The following TTBK2 variants were observed in gnomAD, a reference collection of about 807,000 sequenced individuals.
TTBK2 encodes the protein tau tubulin kinase 2.
In TTBK2, 28 loss-of-function variants were observed where a neutral mutation model predicts 110.8. That is an observed-to-expected ratio of 0.25 (90% CI 0.19 to 0.35). The LOEUF (loss-of-function observed/expected upper bound fraction) is 0.35. Ranked by LOEUF, TTBK2 falls within the 10% of genes least tolerant of loss-of-function variation. The pLI is 1.00. For synonymous variants in TTBK2, 532 were observed against 527.3 expected (o/e 1.01, Z -0.12); for missense variants, 1,369 against 1,500.3 (o/e 0.91, Z 1.45).
At chr15:42,882,120 G>A (rs1405936151) in intron 1 of TTBK2, among the ~76,000 whole-genome samples, 3 of 151,690 alleles carry the variant, frequency 2.0e-5, no homozygotes, top group African/African-American at 7.3e-5. Flanking sequence ...AGAGGTAACA[G>A]TTTAGGACAG....
intron 3 of TTBK2, among the ~76,000 whole-genome samples, chr15:42,855,611 A>G (rs1262452733): frequency 6.6e-6 from 1 of 152,268 alleles, no homozygotes; most frequent in African/African-American, 2.4e-5. Context: ...AAAAGGCATG[A>G]GTTCATAATG....
intron 3 of TTBK2, among the ~76,000 whole-genome samples, chr15:42,859,984 G>GA (rs976813613): frequency 4.8e-5 from 7 of 145,844 alleles, no homozygotes; most frequent in African/African-American, 2.5e-5. Context: ...CAGCTGAGGA[G>GA]AAAAAAAAAA....
intron 1 of TTBK2, among the ~76,000 whole-genome samples, chr15:42,916,778 A>G (rs1467729293): frequency 6.6e-6 from 1 of 152,222 alleles, no homozygotes; most frequent in African/African-American, 2.4e-5. Flanking sequence ...TAGTCTTTCA[A>G]TGATCATATG....
intron 11 of TTBK2, among the ~76,000 whole-genome samples, chr15:42,778,232 T>G (rs1189619256): frequency 7.1e-6 from 1 of 141,682 alleles, no homozygotes; most frequent in East Asian, 2.0e-4. Context: ...TATTTGGAAT[T>G]AAATGATTGA....
intron 9 of TTBK2, among the ~76,000 whole-genome samples, chr15:42,810,001 T>C (rs960882726): frequency 6.6e-6 from 1 of 152,238 alleles, no homozygotes; most frequent in African/African-American, 2.4e-5. Context: ...GCCGCATTTA[T>C]GTTTTCAGTG....
intron 13 of TTBK2, among the ~76,000 whole-genome samples, chr15:42,766,371 A>C (rs1889371121): frequency 6.7e-6 from 1 of 149,854 alleles, no homozygotes; most frequent in South Asian, 2.1e-4. Flanking sequence ...TATTCAGGAG[A>C]CCTATCTCAC....
chr15:42,814,211 G>A (rs1392683668), intron 7 of TTBK2, among the ~76,000 whole-genome samples: 3 of 151,942 alleles, frequency 2.0e-5, no homozygotes, highest in East Asian at 1.9e-4. Flanking sequence ...TAGTAGAGAC[G>A]GGGTTTTACC....
At chr15:42,898,655 A>G (rs988914254) in intron 1 of TTBK2, among the ~76,000 whole-genome samples, 1 of 152,256 alleles carries the variant, frequency 6.6e-6, no homozygotes, top group Non-Finnish European at 1.5e-5. Context: ...AAGATATAAC[A>G]TTATTGGAAA....
At chr15:42,845,633 CAAAAA>C (rs894783459) in intron 3 of TTBK2, among the ~76,000 whole-genome samples, 2 of 15,280 alleles carry the variant, frequency 1.3e-4, no homozygotes, top group Non-Finnish European at 4.1e-4. Flanking sequence ...GGCTGCATCT[CAAAAA>C]AAAAAAAAAA....
intron 4 of TTBK2, 91 bp from the exon 5 acceptor site, chr15:42,830,169 G>A (rs1458122510): frequency 1.3e-6 from 2 of 1,487,010 alleles, no homozygotes; most frequent in Admixed American, 2.0e-5. Context: ...ATTAAAAGAT[G>A]TTTTCAGCAA....
chr15:42,829,738 A>G (rs1892674472), intron 5 of TTBK2, among the ~76,000 whole-genome samples, 200 bp downstream of exon 5: 1 of 152,322 alleles, frequency 6.6e-6, no homozygotes, highest in Non-Finnish European at 1.5e-5. Context: ...ACTCCTGAAA[A>G]TAAGTTGTAG....
At chr15:42,875,849 T>A (rs1596011136) in intron 2 of TTBK2, among the ~76,000 whole-genome samples, 1 of 137,882 alleles carries the variant, frequency 7.3e-6, no homozygotes, top group South Asian at 2.2e-4. Flanking sequence ...CAGGCTGCAG[T>A]GAGCTGAGAT....
At chr15:42,804,803 A>G (rs2140907672) in intron 9 of TTBK2, among the ~76,000 whole-genome samples, 1 of 152,320 alleles carries the variant, frequency 6.6e-6, no homozygotes. Flanking sequence ...CAGCAGTCAC[A>G]TTTGTACCAA....
chr15:42,811,761 T>G lies in TTBK2; in HGVS notation c.623A>C (p.Asp208Ala). The change falls in exon 8 of 15, where the codon GAC becomes GCC. Residue 208 changes from aspartate (D) to alanine (A), a missense_variant. Physicochemically the swap from Asp to Ala is moderately radical, Grantham distance 126. This residue lies in a region of TTBK2 where 138 missense variants were observed against 179.0 expected (regional missense o/e 0.77). Transcript: ENST00000267890. ...HRNREMGRHDDLWSLFYMLVE... is the reference protein window; with the variant it reads ...HRNREMGRHDALWSLFYMLVE... ...CAACATGTAGAATAAGGACCAAAGGTCATCATGTCTTCCCATTTCCTTCAT... is the reference window on the plus strand; with the variant it reads ...CAACATGTAGAATAAGGACCAAAGGGCATCATGTCTTCCCATTTCCTTCAT... 1 of 1,613,626 alleles carries G rather than the reference T, an allele frequency of 6.2e-7. No homozygotes were observed. The highest frequency in any genetic ancestry group is 8.5e-7 in the Non-Finnish European group (1 of 1,179,748).
rs143120287 is a variant in TTBK2 at position 42,792,825 on chromosome 15, C to A, written c.980+1819G>T. 4.4e-3 allele frequency among the ~76,000 whole-genome samples: 670 copies of A among 152,276 alleles called. 11 individuals are homozygous for A. Among genetic ancestry groups the A allele is most frequent in the African/African-American group, 0.015 (638 of 41,550 alleles). On this transcript the variant is annotated intron_variant, in intron 10 of 14. Coordinates refer to ENST00000267890, the MANE Select transcript of TTBK2 (RefSeq NM_173500.4). ...CATCTTCTACAAGTTACGCTGAGGA[C>A]ATGGTTTTTCTGTGTAGCTTTAGTT... is the stretch of plus-strand genomic sequence containing the variant.
At position 42,775,462 on chromosome 15, in the gene TTBK2, C is replaced by G; in HGVS notation, c.1671G>C (p.Lys557Asn). The change falls in exon 13 of 15, where the codon AAG becomes AAC. Residue 557 changes from lysine to asparagine, a missense_variant. Around this residue, in one of 4 missense-constraint regions of TTBK2, gnomAD observed 1,097 missense variants for 1,114.7 expected, o/e 0.98. Transcript: ENST00000267890. ...TCCTAAAATCCTGAAGGTCCTGCTC[C>G]TTGTCCACAATCACCCATTCTTTGG... is the stretch of plus-strand genomic sequence containing the variant. ...IDSKEWVIVD[K>N]EQDLQDFRTN... The G allele has an allele frequency of 6.2e-7, 1 of 1,614,226 alleles. No homozygotes were observed. The highest frequency in any genetic ancestry group is 8.5e-7 in the Non-Finnish European group (1 of 1,180,040).
intron 3 of TTBK2, among the ~76,000 whole-genome samples, chr15:42,865,207 C>T (rs1054427109): frequency 2.2e-4 from 34 of 152,060 alleles, no homozygotes; most frequent in African/African-American, 8.2e-4. Context: ...TATGGACGGT[C>T]GAGGTGGGTC....
chr15:42,852,475 C>T (rs1893759299), intron 3 of TTBK2, among the ~76,000 whole-genome samples: 1 of 152,230 alleles, frequency 6.6e-6, no homozygotes, highest in African/African-American at 2.4e-5. Flanking sequence ...CCTTTTCTGA[C>T]TCCTCTGATT....
chr15:42,845,395 G>C (rs1253088141), intron 3 of TTBK2, among the ~76,000 whole-genome samples: 1 of 152,052 alleles, frequency 6.6e-6, no homozygotes, highest in East Asian at 1.9e-4. Flanking sequence ...GCCAGGCACA[G>C]TAGCTCACGC....
Sources: gnomAD v4.1 joint callset for allele counts (sites outside exome capture counted in the v4.1 genomes callset) on GRCh38, gnomAD v4.1.1 for gene constraint, gnomAD v4.1.1 regional missense constraint, MANE v1.5 for transcripts, NCBI Gene and HGNC (gene_info 2026-07-23, HGNC 2026-07-21) for gene names.